Variants in STAT2 observed in about 807,000 individuals in gnomAD.
The protein encoded by STAT2 is interferon alpha induced transcriptional activator.
In STAT2, 51 loss-of-function variants were observed where a neutral mutation model predicts 122.3. The ratio of observed to expected loss-of-function variants is 0.42; its 90% CI spans 0.33 to 0.53. The LOEUF (loss-of-function observed/expected upper bound fraction) is 0.53, where lower values mean the gene tolerates loss of function less well. Ranked by LOEUF, STAT2 falls within the 20% of genes least tolerant of loss-of-function variation. The probability of loss-of-function intolerance (pLI) is 0.10; values close to 1 mark genes in which losing one functional copy is unlikely to be tolerated. For missense variants in STAT2, 736 were observed against 1,010.3 expected, an observed-to-expected ratio of 0.73 and a Z score of 3.68; for synonymous variants, 351 against 394.9, an observed-to-expected ratio of 0.89 and a Z score of 1.32.
At chr12:56,351,987 G>T (rs1325062456) in intron 8 of STAT2, among the ~76,000 whole-genome samples, 2 of 152,012 alleles carry the variant, frequency 1.3e-5, no homozygotes, top group Non-Finnish European at 2.9e-5. Flanking sequence ...CCACCTCCTG[G>T]ATTCAAGAGA....
chr12:56,343,211 C>T lies in STAT2; in HGVS notation c.*178G>A. ...ATCTGTTCTGATTCATTGTTGTCCC[C>T]TCTGTACCCATGTTATGCTTTCACC... On this transcript the variant is annotated 3_prime_UTR_variant, in exon 24 of 24. Coordinates refer to ENST00000314128, the MANE Select transcript of STAT2 (RefSeq NM_005419.4). The T allele has an allele frequency of 1.3e-6, 1 of 787,774 alleles. No homozygotes were observed. The highest frequency in any genetic ancestry group is 2.0e-6 in the Non-Finnish European group (1 of 510,096). The allele number at this position is 787,774 out of a possible 1,614,324, so 48.8% of individuals were successfully genotyped here. A position where few individuals can be genotyped will look rare whatever the true frequency, so the allele number is the denominator to read the frequency against.
At chr12:56,359,277 T>TA (rs1274381638) in intron 1 of STAT2, among the ~76,000 whole-genome samples, 4 of 151,980 alleles carry the variant, frequency 2.6e-5, no homozygotes, top group African/African-American at 9.7e-5. Context: ...AAAAAAAAGT[T>TA]AAAAAAATGA....
intron 8 of STAT2, among the ~76,000 whole-genome samples, chr12:56,354,016 A>AAAAAATAT (rs71081350): frequency 2.4e-4 from 4 of 16,696 alleles, no homozygotes; most frequent in African/African-American, 3.3e-4. Context: ...AAAAAAAAAA[A>AAAAAATAT]ATATATATAT....
intron 8 of STAT2, 129 bp from the exon 9 acceptor site, chr12:56,351,579 G>A: frequency 8.2e-6 from 8 of 978,712 alleles, no homozygotes; most frequent in South Asian, 5.2e-5. Context: ...AAAGAATCCA[G>A]GAAGCATATA....
intron 19 of STAT2, among the ~76,000 whole-genome samples, chr12:56,347,607 T>C (rs934214742): frequency 1.5e-4 from 23 of 152,090 alleles, no homozygotes; most frequent in African/African-American, 5.6e-4. Flanking sequence ...GTTCAAGCGA[T>C]TCTCCTGCCT....
rs763840968 is a variant in STAT2, at chr12:56,349,436, T to G, written c.1331A>C (p.Gln444Pro). 6.2e-7 allele frequency: 1 copy of G among 1,614,238 alleles called. No individual in the cohort carries two copies. The highest frequency in any genetic ancestry group is 8.5e-7 in the Non-Finnish European group (1 of 1,180,046). Residue 444 changes from glutamine to proline, a missense_variant, in exon 15 of 24, where the codon CAG (glutamine) becomes CCG (proline). Coordinates refer to ENST00000314128, the MANE Select transcript of STAT2 (RefSeq NM_005419.4). Reference protein sequence around the residue: ...TVKYTYQGLKQELKTDTLPVV... With the variant: ...TVKYTYQGLKPELKTDTLPVV... ...TCCATTTTCACTCACTTTCAGCTCC[T>G]GCTTCAGACCCTGGTAGGTATATTT...
At chr12:56,346,100 G>T (rs1565648164) in intron 22 of STAT2, 46 bp downstream of exon 22, 1 of 1,612,602 alleles carries the variant, frequency 6.2e-7, no homozygotes, top group Non-Finnish European at 8.5e-7. Context: ...CACTGAAGCA[G>T]AGCCAAAAAG....
rs1565660244 is a variant in STAT2, at chr12:56,356,176, A to G, written c.241T>C (p.Leu81=). The change falls in exon 3 of 24, where the codon TTG becomes CTG. Residue 81 remains leucine (L), a synonymous_variant. Transcript: ENST00000314128. ...TTCCGCAAATTGTGCTGCAGCAACAAGGACTCTGGGTCCTGGCTGCAACGG... is the reference window on the plus strand; with the variant it reads ...TTCCGCAAATTGTGCTGCAGCAACAGGGACTCTGGGTCCTGGCTGCAACGG... ...CGRCSQDPES[L]LLQHNLRKFC... 1 of 1,614,068 alleles carries G rather than the reference A, an allele frequency of 6.2e-7. No homozygotes were observed. Among genetic ancestry groups the G allele is most frequent in the African/African-American group, 1.3e-5 (1 of 74,928 alleles).
intron 6 of STAT2, 74 bp downstream of exon 6, chr12:56,355,202 T>G: frequency 2.6e-6 from 4 of 1,553,144 alleles, no homozygotes; most frequent in Non-Finnish European, 1.8e-6. Context: ...CATCGGAGCT[T>G]TCTCCTGTTC....
Position 56,360,043 on chromosome 12 carries a change from T to A in STAT2, c.-8+15A>T. ...CCCCCACCCCTACCCCAGCACACCC[T>A]CTCAGGGCCCGTACCTGATTAGGGT... On this transcript the variant is annotated intron_variant, in intron 1 of 23. Coordinates refer to ENST00000314128, the MANE Select transcript of STAT2 (RefSeq NM_005419.4). 1 of 981,876 alleles carries A rather than the reference T, an allele frequency of 1.0e-6. No individual in the cohort carries two copies. Among genetic ancestry groups the A allele is most frequent in the Non-Finnish European group, 1.2e-6 (1 of 827,668 alleles). 60.8% of individuals were successfully genotyped at this position (981,876 alleles called of 1,614,324 possible).
chr12:56,348,728 G>T, intron 18 of STAT2, 24 bp downstream of exon 18: 1 of 1,614,092 alleles, frequency 6.2e-7, no homozygotes, highest in Non-Finnish European at 8.5e-7. Context: ...AGATCCAGCA[G>T]CTCCACAGGA....
chr12:56,357,713 T>TC (rs1489163444), intron 1 of STAT2, among the ~76,000 whole-genome samples: 1 of 147,616 alleles, frequency 6.8e-6, no homozygotes, highest in Non-Finnish European at 1.5e-5. Context: ...TTTCTTTCTT[T>TC]TTTTTTTTTT....
At chr12:56,354,929 C>A in intron 6 of STAT2, 66 bp from the exon 7 acceptor site, 1 of 1,515,220 alleles carries the variant, frequency 6.6e-7, no homozygotes, top group South Asian at 1.1e-5. Context: ...GGGTCTCAGT[C>A]AGAGTCAGGA....
intron 3 of STAT2, 119 bp downstream of exon 3, chr12:56,356,013 T>G: frequency 7.0e-7 from 1 of 1,435,128 alleles, no homozygotes; most frequent in South Asian, 1.3e-5. Flanking sequence ...TCTGTCCTCC[T>G]TTCCCCACAT....
intron 20 of STAT2, 83 bp from the exon 21 acceptor site, chr12:56,346,707 A>G: frequency 6.2e-7 from 1 of 1,601,788 alleles, no homozygotes; most frequent in Non-Finnish European, 8.5e-7. Flanking sequence ...CCAGTCCCAA[A>G]CCAGCTGAGG....
At position 56,356,299 on chromosome 12, in the gene STAT2, A is replaced by G. The variant is rs770770531; in HGVS notation, c.132-14T>C. 24 of 1,610,130 alleles carry G rather than the reference A, an allele frequency of 1.5e-5. 1 individual carries two copies. The South Asian group carries it at 2.6e-4, about 18-fold the overall frequency. On this transcript the variant is annotated splice_polypyrimidine_tract_variant and intron_variant, in intron 2 of 23. Coordinates refer to ENST00000314128, the MANE Select transcript of STAT2 (RefSeq NM_005419.4). ...GCAGCTTCCTGCCTGGGCACCAGGA[A>G]TAAGAAGTATTAGTGTCTCTGCAGT...
intron 22 of STAT2, among the ~76,000 whole-genome samples, chr12:56,345,524 A>AAAAAAAAAAATATATATAT (rs1555169410): frequency 3.8e-5 from 1 of 26,250 alleles, no homozygotes; most frequent in Non-Finnish European, 5.4e-5. Context: ...AAAAAAAAAA[A>AAAAAAAAAAATATATATAT]ATATATATAT....
chr12:56,348,162 A>T (rs1043811551), intron 19 of STAT2, among the ~76,000 whole-genome samples: 1 of 140,964 alleles, frequency 7.1e-6, no homozygotes, highest in Non-Finnish European at 1.5e-5. Flanking sequence ...ATCTCGGCTC[A>T]CTGCAAGCTC....
intron 9 of STAT2, 33 bp from the exon 10 acceptor site, chr12:56,351,223 G>A (rs1565654378): frequency 1.2e-6 from 2 of 1,611,912 alleles, no homozygotes; most frequent in Non-Finnish European, 1.7e-6. Flanking sequence ...AGAATATATA[G>A]CTCAGTATCT....
Sources: gnomAD v4.1 joint callset for allele counts (sites outside exome capture counted in the v4.1 genomes callset) on GRCh38, gnomAD v4.1.1 for gene constraint, MANE v1.5 for transcripts, NCBI Gene and HGNC (gene_info 2026-07-23, HGNC 2026-07-21) for gene names.